LMO3: variants seen among roughly 807,000 people sequenced by gnomAD.
LMO3 encodes LIM domain only protein 3.
Under a neutral mutation model 15.8 loss-of-function variants are expected in LMO3, and 2 were observed. That is an observed-to-expected ratio of 0.13 (90% CI 0.05 to 0.40). The LOEUF is 0.40. Ranked by LOEUF, LMO3 falls within the 10% of genes least tolerant of loss-of-function variation. The probability of loss-of-function intolerance (pLI) is 0.99; values close to 1 mark genes in which losing one functional copy is unlikely to be tolerated. For synonymous variants in LMO3, 62 were observed against 63.8 expected, an observed-to-expected ratio of 0.97 and a Z score of 0.13; for missense variants, 86 against 182.2, an observed-to-expected ratio of 0.47 and a Z score of 3.04.
At position 16,589,458 on chromosome 12, in the gene LMO3, G is replaced by A. The variant is rs572359366; in HGVS notation, c.206+11197C>T. 9 of 152,086 alleles carry A rather than the reference G, an allele frequency of 5.9e-5. No individual in the cohort carries two copies. Among genetic ancestry groups the A allele is most frequent in the East Asian group, 5.8e-4 (3 of 5,158 alleles). 9.4% of individuals were successfully genotyped at this position (152,086 alleles called of 1,614,324 possible). On this transcript the variant is annotated intron_variant, in intron 2 of 3. Transcript: ENST00000537304. This position sits in a 1 kb window ranked among gnomAD's most constrained non-coding sequence, Gnocchi z 4.2. ...GGTCGTAGTGCAGATGAAAGCCTCC[G>A]TATAAATTAGGAAGGAAAAATTTAA...
chr12:16,562,688 C>A (rs1015037957), intron 2 of LMO3, among the ~76,000 whole-genome samples: 9 of 152,152 alleles, frequency 5.9e-5, no homozygotes, highest in Non-Finnish European at 1.3e-4. Context: ...CCCTGAGCTG[C>A]CTGCTATACT....
At position 16,606,151 on chromosome 12, in the gene LMO3, G is replaced by T; in HGVS notation, c.-94C>A. ...GCTTCTCCTTGGGAAAGGTCAAAAA[G>T]AAGCATTGTTTGAAAAAAAAAAAAA... On this transcript the variant is annotated 5_prime_UTR_variant, in exon 1 of 4. Transcript: ENST00000537304. 8 of 128,824 alleles carry T rather than the reference G, an allele frequency of 6.2e-5. No individual in the cohort carries two copies. The highest frequency in any genetic ancestry group is 1.1e-4 in the Admixed American group (1 of 9,260). 8.0% of individuals were successfully genotyped at this position (128,824 alleles called of 1,614,324 possible).
chr12:16,571,247 TTAAC>T (rs1942803963), intron 2 of LMO3, among the ~76,000 whole-genome samples: 1 of 152,088 alleles, frequency 6.6e-6, no homozygotes, highest in Non-Finnish European at 1.5e-5. Flanking sequence ...ATCCTTGTAT[TTAAC>T]TAAGGATATT....
chr12:16,564,995 G>T (rs887450523), intron 2 of LMO3, among the ~76,000 whole-genome samples: 1 of 151,994 alleles, frequency 6.6e-6, no homozygotes, highest in Non-Finnish European at 1.5e-5. Flanking sequence ...TCTCTCTGTT[G>T]CCCAGGCTGA....
At chr12:16,607,249 C>A (rs1243082551), upstream of LMO3, 1 of 152,446 alleles carries the variant, frequency 6.6e-6, no homozygotes, top group African/African-American at 2.4e-5. Flanking sequence ...CCCACCACCA[C>A]CACCCCGAAA....
Position 16,597,630 on chromosome 12 carries a change from C to G in LMO3, c.206+3025G>C, listed in dbSNP as rs1169158461. On this transcript the variant is annotated intron_variant, in intron 2 of 3. Transcript: ENST00000537304. The surrounding 1 kb of genome is among the most constrained non-coding windows in gnomAD (Gnocchi z 5.0). ...GTAACCAACAATATATGTGGACAGG[C>G]AAATTACTATTTTATTACTTTCCTT... 1 of 151,928 alleles carries G rather than the reference C, an allele frequency of 6.6e-6. No individual in the cohort carries two copies. The highest frequency in any genetic ancestry group is 1.9e-4 in the East Asian group (1 of 5,166). 9.4% of individuals were successfully genotyped at this position (151,928 alleles called of 1,614,324 possible). A position where few individuals can be genotyped will look rare whatever the true frequency, so the allele number is the denominator to read the frequency against.
intron 2 of LMO3, among the ~76,000 whole-genome samples, chr12:16,595,838 AG>A (rs1311845766): frequency 6.6e-6 from 1 of 151,476 alleles, no homozygotes; most frequent in African/African-American, 2.4e-5. Flanking sequence ...TTCATATAAA[AG>A]TTTATGCTTT....
chr12:16,575,636 A>G (rs1354292318), intron 2 of LMO3, among the ~76,000 whole-genome samples: 5 of 152,238 alleles, frequency 3.3e-5, no homozygotes, highest in Non-Finnish European at 2.9e-5. Flanking sequence ...GAATTATGTA[A>G]TACACCCAGC....
chr12:16,608,768 C>A (rs540148644), upstream of LMO3: 1 of 151,560 alleles, frequency 6.6e-6, no homozygotes, highest in East Asian at 1.9e-4. The surrounding 1 kb of genome is among the most constrained non-coding windows in gnomAD (Gnocchi z 4.1). Context: ...AGGAACTTAG[C>A]GAATAATATG....
intron 2 of LMO3, among the ~76,000 whole-genome samples, chr12:16,571,750 A>G (rs1376890732): frequency 6.6e-6 from 1 of 152,064 alleles, no homozygotes; most frequent in Non-Finnish European, 1.5e-5. Flanking sequence ...TAATTATAAA[A>G]TTCTGTGATT....
Position 16,589,792 on chromosome 12 carries a change from G to A in LMO3, c.206+10863C>T, listed in dbSNP as rs979217359. On this transcript the variant is annotated intron_variant, in intron 2 of 3. Transcript: ENST00000537304. The surrounding 1 kb of genome is among the most constrained non-coding windows in gnomAD (Gnocchi z 4.2). The stretch of plus-strand genomic sequence containing the variant: ...AGGTTCCTCAACTCAATCTGGACAA[G>A]AAAAGCATCTGCCAGGAAGAACAGA... Among the ~76,000 whole-genome samples the A allele has an allele frequency of 1.3e-5, 2 of 152,060 alleles. No individual in the cohort carries two copies. The highest frequency in any genetic ancestry group is 2.9e-5 in the Non-Finnish European group (2 of 67,986).
rs113499630 is a variant in LMO3, at chr12:16,559,050, T to C, written c.332+1363A>G. On this transcript the variant is annotated intron_variant, in intron 3 of 3. Coordinates refer to ENST00000537304, the MANE Select transcript of LMO3 (RefSeq NM_018640.5). This position sits in a 1 kb window ranked among gnomAD's most constrained non-coding sequence, Gnocchi z 4.1. ...TAGAAATGTCACATTCTTTCTACTA[T>C]TCTACAGGGTCTCATAAGAAGATTC... Among the ~76,000 whole-genome samples, 1,182 of 152,268 alleles carry C rather than the reference T, an allele frequency of 7.8e-3. 22 individuals are homozygous for C. Among genetic ancestry groups the C allele is most frequent in the African/African-American group, 0.027 (1,133 of 41,546 alleles).
At position 16,586,568 on chromosome 12, in the gene LMO3, T is replaced by C. The variant is rs1943327748; in HGVS notation, c.206+14087A>G. ...CAGGCCAACTGAATTCTGGAGGACA[T>C]ATGCAAAGACACTGCATTTCATCTT... is the stretch of plus-strand genomic sequence containing the variant. On this transcript the variant is annotated intron_variant, in intron 2 of 3. Coordinates refer to ENST00000537304, the MANE Select transcript of LMO3 (RefSeq NM_018640.5). This position sits in a 1 kb window ranked among gnomAD's most constrained non-coding sequence, Gnocchi z 4.3. 6.6e-6 allele frequency among the ~76,000 whole-genome samples: 1 copy of C among 152,192 alleles called. No individual in the cohort carries two copies. The highest frequency in any genetic ancestry group is 1.5e-5 in the Non-Finnish European group (1 of 68,034).
At chr12:16,572,248 T>C (rs889468959) in intron 2 of LMO3, among the ~76,000 whole-genome samples, 2 of 151,634 alleles carry the variant, frequency 1.3e-5, no homozygotes, top group African/African-American at 4.8e-5. Context: ...CAGAAGGAAT[T>C]ACAATAAAAC....
intron 2 of LMO3, among the ~76,000 whole-genome samples, chr12:16,595,766 A>C (rs1408045252): frequency 6.6e-6 from 1 of 151,460 alleles, no homozygotes; most frequent in Admixed American, 6.6e-5. Context: ...TTATGACAAT[A>C]ATATGGTGTT....
intron 2 of LMO3, chr12:16,573,446 T>C (rs905387611): frequency 6.6e-6 from 1 of 152,208 alleles, no homozygotes; most frequent in Non-Finnish European, 1.5e-5. Context: ...TGTCTTTCTA[T>C]GTGCTTGTGT....
At chr12:16,571,148 A>G (rs1163990690) in intron 2 of LMO3, among the ~76,000 whole-genome samples, 1 of 152,122 alleles carries the variant, frequency 6.6e-6, no homozygotes, top group Non-Finnish European at 1.5e-5. Flanking sequence ...TTTTAAGGTA[A>G]GTAGCAGGGT....
At chr12:16,561,977 T>C (rs1199304238) in intron 2 of LMO3, among the ~76,000 whole-genome samples, 1 of 152,220 alleles carries the variant, frequency 6.6e-6, no homozygotes, top group Non-Finnish European at 1.5e-5. Context: ...TTTTCCTTAA[T>C]GAATTAAAAA....
chr12:16,578,687 G>A (rs1007508601), intron 2 of LMO3, among the ~76,000 whole-genome samples: 2 of 151,886 alleles, frequency 1.3e-5, no homozygotes, highest in Admixed American at 6.6e-5. Context: ...GTGTGGTGGT[G>A]CATGCCTGTA....
Sources: gnomAD v4.1 joint callset for allele counts (sites outside exome capture counted in the v4.1 genomes callset) on GRCh38, gnomAD v4.1.1 for gene constraint, Gnocchi (gnomAD v3.1) non-coding constraint, MANE v1.5 for transcripts, NCBI Gene and HGNC (gene_info 2026-07-23, HGNC 2026-07-21) for gene names.